NKAIN2: variants seen among roughly 807,000 people sequenced by gnomAD.
The protein encoded by NKAIN2 is sodium/potassium-transporting ATPase subunit beta-1-interacting protein 2.
A neutral mutation model predicts 32.6 loss-of-function variants in NKAIN2; 14 were observed. The observed-to-expected ratio is 0.43, with a 90% confidence interval of 0.28 to 0.67. The LOEUF (loss-of-function observed/expected upper bound fraction) is 0.67, where lower values mean the gene tolerates loss of function less well. NKAIN2 is among the 30% of genes least tolerant of loss of function. The pLI, the probability that NKAIN2 is intolerant of heterozygous loss-of-function variation, is 0.17. For missense variants in NKAIN2, 198 were observed against 258.3 expected, an observed-to-expected ratio of 0.77 and a Z score of 1.60; for synonymous variants, 80 against 87.2, an observed-to-expected ratio of 0.92 and a Z score of 0.46.
chr6:124,490,873 G>A (rs773977814), intron 3 of NKAIN2, among the ~76,000 whole-genome samples: 2 of 151,702 alleles, frequency 1.3e-5, no homozygotes, highest in Non-Finnish European at 3.0e-5. Flanking sequence ...AATTGATGAT[G>A]TTTTCAAAGT....
intron 1 of NKAIN2, among the ~76,000 whole-genome samples, chr6:124,169,944 A>C (rs1788763506): frequency 6.6e-6 from 1 of 152,144 alleles, no homozygotes; most frequent in Admixed American, 6.5e-5. Flanking sequence ...TACTGTAATT[A>C]AATAGATTTA....
intron 2 of NKAIN2, among the ~76,000 whole-genome samples, chr6:124,339,210 G>A (rs143352055): frequency 0.041 from 6,249 of 152,036 alleles, 422 homozygotes; most frequent in African/African-American, 0.14. Context: ...GCGTGGTGGC[G>A]CGCACCTGTA....
intron 1 of NKAIN2, among the ~76,000 whole-genome samples, chr6:124,240,842 G>T (rs1044276160): frequency 6.6e-6 from 1 of 152,112 alleles, no homozygotes; most frequent in Non-Finnish European, 1.5e-5. Context: ...ACAAGACAGG[G>T]ATACCCTCTC....
At chr6:124,596,811 G>T (rs2114972352) in intron 3 of NKAIN2, among the ~76,000 whole-genome samples, 1 of 152,054 alleles carries the variant, frequency 6.6e-6, no homozygotes, top group African/African-American at 2.4e-5. Flanking sequence ...ATAAGGAATT[G>T]CCTCGTGGTT....
In NKAIN2 at chr6:124,501,939, T is replaced by TA. The variant is rs1432388494; in HGVS notation, c.273+146596dup. Among the ~76,000 whole-genome samples, 13 of 151,816 alleles carry TA rather than the reference T, an allele frequency of 8.6e-5. No homozygotes were observed. In the East Asian group the frequency reaches 1.8e-3, roughly 20 times the overall value. ...AGATTGTGAAAACCCCATTTCCAAT[T>TA]AAAACAAATTACAAAAAATAGCTGG... On this transcript the variant is annotated intron_variant, in intron 3 of 6. Transcript: ENST00000368417.
At chr6:123,811,610 C>T (rs1232984357) in intron 1 of NKAIN2, among the ~76,000 whole-genome samples, 1 of 150,788 alleles carries the variant, frequency 6.6e-6, no homozygotes, top group African/African-American at 2.5e-5. Context: ...AAAAATAGGG[C>T]AAATAATTCC....
At chr6:123,959,925 ATGTGTGTGTGTGTGTGTGTGTGTGTG>A (rs6149793) in intron 1 of NKAIN2, among the ~76,000 whole-genome samples, 4 of 141,270 alleles carry the variant, frequency 2.8e-5, no homozygotes, top group African/African-American at 1.1e-4. Context: ...TCTTCCATAT[ATGTGTGTGTGTGTGTGTGTGTGTGTG>A]TGTGTGTGTG....
At chr6:124,065,137 A>T (rs747110691) in intron 1 of NKAIN2, among the ~76,000 whole-genome samples, 1 of 152,144 alleles carries the variant, frequency 6.6e-6, no homozygotes, top group East Asian at 1.9e-4. Context: ...CCACAAAGGT[A>T]AAGATTTTCA....
At chr6:124,072,143 C>A (rs1273556741) in intron 1 of NKAIN2, among the ~76,000 whole-genome samples, 1 of 152,070 alleles carries the variant, frequency 6.6e-6, no homozygotes, top group Non-Finnish European at 1.5e-5. Context: ...ACTATGCAGC[C>A]ATTAAAAAAT....
At chr6:123,932,406 C>CTTTTTTTTTTTTTTTTTTTTTTTTTT (rs57063550) in intron 1 of NKAIN2, among the ~76,000 whole-genome samples, 1 of 104,392 alleles carries the variant, frequency 9.6e-6, no homozygotes, top group African/African-American at 4.2e-5. Context: ...TTCTGTCTTT[C>CTTTTTTTTTTTTTTTTTTTTTTTTTT]TTTTTTTTTT....
chr6:124,005,243 A>G (rs1780031304), intron 1 of NKAIN2, among the ~76,000 whole-genome samples: 1 of 152,048 alleles, frequency 6.6e-6, no homozygotes, highest in Non-Finnish European at 1.5e-5. Flanking sequence ...AAACAAAACG[A>G]AACAAAACAG....
chr6:124,496,787 T>C (rs526284), intron 3 of NKAIN2, among the ~76,000 whole-genome samples: 23,392 of 152,098 alleles, frequency 0.15, 1,961 homozygotes, highest in East Asian at 0.28. Context: ...GAAAGTAGGT[T>C]GATGTTGAAA....
At chr6:123,861,331 C>A (rs182754702) in intron 1 of NKAIN2, among the ~76,000 whole-genome samples, 136 of 152,308 alleles carry the variant, frequency 8.9e-4, no homozygotes, top group African/African-American at 3.2e-3. Flanking sequence ...AATATCTGCT[C>A]ACAGTCTAAT....
intron 3 of NKAIN2, among the ~76,000 whole-genome samples, chr6:124,367,864 A>G (rs753083348): frequency 6.6e-6 from 1 of 152,144 alleles, no homozygotes; most frequent in Non-Finnish European, 1.5e-5. Flanking sequence ...GGGCCACTTA[A>G]TAGGAAATAA....
chr6:123,909,568 C>T (rs1372574829), intron 1 of NKAIN2, among the ~76,000 whole-genome samples: 24 of 152,182 alleles, frequency 1.6e-4, no homozygotes, highest in Admixed American at 1.5e-3. Flanking sequence ...GGACTTTGCA[C>T]ATGCAATTGT....
intron 1 of NKAIN2, among the ~76,000 whole-genome samples, chr6:123,908,152 C>A (rs78744065): frequency 6.6e-6 from 1 of 151,898 alleles, no homozygotes; most frequent in African/African-American, 2.4e-5. Context: ...AATGAGTTTC[C>A]CTTGCATTTA....
chr6:124,769,467 GAGGAATGAT>G (rs1226547171), intron 4 of NKAIN2, among the ~76,000 whole-genome samples: 2 of 152,142 alleles, frequency 1.3e-5, no homozygotes, highest in Non-Finnish European at 2.9e-5. Context: ...TTCAGAGAGG[GAGGAATGAT>G]AGTTTTTGCA....
At chr6:124,577,294 G>T (rs1345941380) in intron 3 of NKAIN2, among the ~76,000 whole-genome samples, 1 of 152,102 alleles carries the variant, frequency 6.6e-6, no homozygotes, top group African/African-American at 2.4e-5. Flanking sequence ...ACTGAAAAAG[G>T]CAAGGAAGAG....
intron 3 of NKAIN2, among the ~76,000 whole-genome samples, chr6:124,399,701 C>T (rs1412786663): frequency 2.6e-5 from 4 of 152,148 alleles, no homozygotes; most frequent in African/African-American, 7.2e-5. Flanking sequence ...GATTCCTTAG[C>T]GAAGCAGAGG....
Sources: allele counts gnomAD v4.1 joint callset (sites outside exome capture counted in the v4.1 genomes callset), GRCh38; gene constraint gnomAD v4.1.1; transcripts MANE v1.5; gene names NCBI Gene and HGNC (gene_info 2026-07-23, HGNC 2026-07-21).